Variants in LDLRAD4 observed in about 807,000 individuals in gnomAD.
LDLRAD4 encodes the protein low-density lipoprotein receptor class A domain-containing protein 4.
LDLRAD4 carries 5 observed loss-of-function variants against 17.0 expected under a neutral mutation model. That is an observed-to-expected ratio of 0.29 (90% CI 0.15 to 0.62). LDLRAD4 has a LOEUF of 0.62. LDLRAD4 is among the 20% of genes least tolerant of loss of function. The pLI is 0.84. For synonymous variants in LDLRAD4, 168 were observed against 171.8 expected, an observed-to-expected ratio of 0.98 and a Z score of 0.17; for missense variants, 340 against 424.7, an observed-to-expected ratio of 0.80 and a Z score of 1.75.
In LDLRAD4 at chr18:13,490,941, G is replaced by C. The variant is rs192411385; in HGVS notation, c.181+52557G>C. 1.2e-3 allele frequency among the ~76,000 whole-genome samples: 176 copies of C among 152,282 alleles called. 1 individual carries two copies. The highest frequency in any genetic ancestry group is 6.2e-3 in the South Asian group (30 of 4,818). On this transcript the variant is annotated intron_variant, in intron 3 of 5. Transcript: ENST00000359446. ...GGCCTCTGTCTCTGGACGATATTCTGTATCTCCAGCCTGAACCTCTCAGAT... is the reference window on the plus strand; with the variant it reads ...GGCCTCTGTCTCTGGACGATATTCTCTATCTCCAGCCTGAACCTCTCAGAT...
chr18:13,291,461 G>T (rs971145596), intron 1 of LDLRAD4, among the ~76,000 whole-genome samples: 2 of 152,156 alleles, frequency 1.3e-5, no homozygotes, highest in African/African-American at 4.8e-5. Flanking sequence ...AGGGTGAGGC[G>T]CAGATGGCTG....
intron 2 of LDLRAD4, among the ~76,000 whole-genome samples, chr18:13,391,421 T>C (rs1045479392): frequency 6.6e-6 from 1 of 152,138 alleles, no homozygotes; most frequent in African/African-American, 2.4e-5. Flanking sequence ...GGCAATCCTG[T>C]GTGATGGAGT....
At chr18:13,330,087 C>T (rs1289898214) in intron 1 of LDLRAD4, among the ~76,000 whole-genome samples, 1 of 152,038 alleles carries the variant, frequency 6.6e-6, no homozygotes, top group East Asian at 1.9e-4. Context: ...TCCTGAGTAG[C>T]TGGGACTACA....
chr18:13,352,439 C>T (rs2083098378), intron 1 of LDLRAD4, among the ~76,000 whole-genome samples: 2 of 152,166 alleles, frequency 1.3e-5, no homozygotes, highest in African/African-American at 2.4e-5. Context: ...TGCCTTTGGG[C>T]TGCTGGGTTT....
At chr18:13,493,842 G>A (rs1234384452) in intron 3 of LDLRAD4, among the ~76,000 whole-genome samples, 11 of 152,314 alleles carry the variant, frequency 7.2e-5, no homozygotes, top group African/African-American at 2.2e-4. Flanking sequence ...CTCCAGCCCC[G>A]TGGTCCTTGT....
chr18:13,418,174 A>G (rs1450938369), intron 2 of LDLRAD4, among the ~76,000 whole-genome samples: 3 of 152,232 alleles, frequency 2.0e-5, no homozygotes, highest in African/African-American at 7.2e-5. Context: ...TTCCTCCTCA[A>G]TTAGGCTCTC....
chr18:13,325,296 T>C lies in LDLRAD4; in HGVS notation c.-383+47108T>C, dbSNP rs1335475673. ...GAAGTGACACTTGCAGTCGTGGCTA[T>C]GGACTTCTCAGGGAGGCCAACAGCA... On this transcript the variant is annotated intron_variant, in intron 1 of 5. Transcript: ENST00000359446. 3.9e-5 allele frequency among the ~76,000 whole-genome samples: 6 copies of C among 152,360 alleles called. No homozygotes were observed. In the East Asian group the frequency reaches 1.2e-3, roughly 29 times the overall value.
rs545168721 is a variant in LDLRAD4, at chr18:13,423,213, C to T, written c.41-15031C>T. Among the ~76,000 whole-genome samples, 11 of 152,238 alleles carry T rather than the reference C, an allele frequency of 7.2e-5. No homozygotes were observed. In the South Asian group the frequency reaches 1.2e-3, roughly 17 times the overall value. ...AAGAAGGCCGGGCTTGGTGGCTTGG[C>T]AGGGCGTGGTGGCTCATGCCTGTAA... On this transcript the variant is annotated intron_variant, in intron 2 of 5. Transcript: ENST00000359446.
intron 2 of LDLRAD4, chr18:13,427,587 G>A (rs2090040841): frequency 6.6e-6 from 1 of 152,236 alleles, no homozygotes; most frequent in African/African-American, 2.4e-5. Flanking sequence ...GCCAGACAAT[G>A]GATTTTCTCT....
intron 1 of LDLRAD4, among the ~76,000 whole-genome samples, chr18:13,361,725 C>A (rs917493710): frequency 1.3e-5 from 2 of 152,134 alleles, no homozygotes; most frequent in African/African-American, 4.8e-5. Flanking sequence ...GGGACAGTTG[C>A]AACAGTTTGT....
At chr18:13,537,590 C>T (rs775725128) in intron 3 of LDLRAD4, among the ~76,000 whole-genome samples, 1 of 152,162 alleles carries the variant, frequency 6.6e-6, no homozygotes, top group African/African-American at 2.4e-5. Flanking sequence ...TCCTGCTGTG[C>T]GGCCCAGTTC....
At chr18:13,271,242 A>C (rs940245140) in intron 1 of LDLRAD4, among the ~76,000 whole-genome samples, 1 of 152,250 alleles carries the variant, frequency 6.6e-6, no homozygotes, top group Non-Finnish European at 1.5e-5. Flanking sequence ...TGAGACTCTA[A>C]TGAGGGTTAG....
At chr18:13,378,875 G>A (rs2085126582) in intron 1 of LDLRAD4, among the ~76,000 whole-genome samples, 1 of 152,234 alleles carries the variant, frequency 6.6e-6, no homozygotes, top group Non-Finnish European at 1.5e-5. Flanking sequence ...ACTAGGAGAT[G>A]AATCTGACGT....
At chr18:13,336,842 C>A (rs2276392) in intron 1 of LDLRAD4, among the ~76,000 whole-genome samples, 64,126 of 151,944 alleles carry the variant, frequency 0.42, 15,631 homozygotes, top group African/African-American at 0.68. Context: ...AAGTTTTAAA[C>A]AATGACAAAA....
At chr18:13,514,435 A>T (rs2093832001) in intron 3 of LDLRAD4, 1 of 152,222 alleles carries the variant, frequency 6.6e-6, no homozygotes, top group South Asian at 2.1e-4. Flanking sequence ...TATAAAGCTA[A>T]GAGTTAAATA....
chr18:13,544,840 T>TAGGAAAAGGG, intron 3 of LDLRAD4, among the ~76,000 whole-genome samples: 1 of 149,780 alleles, frequency 6.7e-6, no homozygotes, highest in Non-Finnish European at 1.5e-5. Flanking sequence ...TCCAACTCCC[T>TAGGAAAAGGG]GGAGCACATC....
At chr18:13,264,841 T>A (rs1461774287) in intron 1 of LDLRAD4, among the ~76,000 whole-genome samples, 1 of 152,232 alleles carries the variant, frequency 6.6e-6, no homozygotes, top group African/African-American at 2.4e-5. Context: ...CTGTGCTGTT[T>A]CATAAAAGCG....
intron 3 of LDLRAD4, among the ~76,000 whole-genome samples, chr18:13,572,029 T>TC (rs944716098): frequency 5.3e-5 from 8 of 152,118 alleles, no homozygotes; most frequent in Admixed American, 3.3e-4. Flanking sequence ...GTACAGTAAG[T>TC]CCCCCCCTTA....
At chr18:13,503,967 A>G (rs2093652473) in intron 3 of LDLRAD4, among the ~76,000 whole-genome samples, 1 of 152,218 alleles carries the variant, frequency 6.6e-6, no homozygotes, top group Admixed American at 6.5e-5. Flanking sequence ...TATAGTACAT[A>G]ATACATGCCA....
Sources: gnomAD v4.1 joint callset for allele counts (sites outside exome capture counted in the v4.1 genomes callset) on GRCh38, gnomAD v4.1.1 for gene constraint, MANE v1.5 for transcripts, NCBI Gene and HGNC (gene_info 2026-07-23, HGNC 2026-07-21) for gene names.